The following ABCF1 variants were observed in gnomAD, a reference collection of about 807,000 sequenced individuals.
ABCF1 encodes the protein ATP binding cassette subfamily F member 1, also known as ATP-binding cassette sub-family F member 1.
ABCF1 carries 73 observed loss-of-function variants against 126.3 expected under a neutral mutation model. That is an observed-to-expected ratio of 0.58 (90% CI 0.48 to 0.70). The LOEUF is 0.70. Among genes scored for constraint, ABCF1 ranks in the 30% least tolerant of loss-of-function variants. The pLI is 0.00. For missense variants in ABCF1, 786 were observed against 1,057.5 expected (o/e 0.74, Z 3.56); for synonymous variants, 345 against 396.4 (o/e 0.87, Z 1.54).
In ABCF1 at chr6:30,591,375, A is replaced by C. The variant is rs1802447896; in HGVS notation, c.*674A>C. On this transcript the variant is annotated 3_prime_UTR_variant, in exon 25 of 25. Transcript: ENST00000326195. The stretch of plus-strand genomic sequence containing the variant: ...TTCTCAGTCTTGATTTGCTTTATTC[A>C]GTTTTCTAGCAGCTTTTAATAGTCC... 1 of 152,112 alleles carries C rather than the reference A, an allele frequency of 6.6e-6. No homozygotes were observed. 9.4% of individuals were successfully genotyped at this position (152,112 alleles called of 1,614,324 possible). A position where few individuals can be genotyped will look rare whatever the true frequency, so the allele number is the denominator to read the frequency against.
In ABCF1 at chr6:30,578,209, G is replaced by T; in HGVS notation, c.343+7G>T. ...AGTGATGAGGAGGATGAAGGTAAAT[G>T]ACCTGAGGGGGAATGGGTACCTGGA... On this transcript the variant is annotated splice_region_variant and intron_variant, in intron 4 of 24. Transcript: ENST00000326195. The T allele has an allele frequency of 6.2e-7, 1 of 1,613,814 alleles. No individual in the cohort carries two copies. The highest frequency in any genetic ancestry group is 1.1e-5 in the South Asian group (1 of 91,062).
At position 30,586,837 on chromosome 6, in the gene ABCF1, C is replaced by T; in HGVS notation, c.2031+126C>T. On this transcript the variant is annotated intron_variant, in intron 20 of 24. Transcript: ENST00000326195. The surrounding 1 kb of genome is among the most constrained non-coding windows in gnomAD (Gnocchi z 4.9). ...AATACAGAACTCATGATAGATGATTCATTTCCCTAAGAGGGGCAGTAGAGG... is the reference window on the plus strand; with the variant it reads ...AATACAGAACTCATGATAGATGATTTATTTCCCTAAGAGGGGCAGTAGAGG... 1 of 1,059,140 alleles carries T rather than the reference C, an allele frequency of 9.4e-7. No homozygotes were observed. 65.6% of individuals were successfully genotyped at this position (1,059,140 alleles called of 1,614,324 possible). A position where few individuals can be genotyped will look rare whatever the true frequency, so the allele number is the denominator to read the frequency against.
In ABCF1 at chr6:30,574,744, G is replaced by A. The variant is rs923944511; in HGVS notation, c.74-2665G>A. On this transcript the variant is annotated intron_variant, in intron 1 of 24. Coordinates refer to ENST00000326195, the MANE Select transcript of ABCF1 (RefSeq NM_001025091.2). The surrounding 1 kb of genome is among the most constrained non-coding windows in gnomAD (Gnocchi z 4.3). ...TTTGTGGTTTGTTTTTTGGGGAGGAGGAGGGCCCCAAACTTTGAAATGTGT... is the reference window on the plus strand; with the variant it reads ...TTTGTGGTTTGTTTTTTGGGGAGGAAGAGGGCCCCAAACTTTGAAATGTGT... 1.8e-4 allele frequency among the ~76,000 whole-genome samples: 27 copies of A among 152,020 alleles called. No homozygotes were observed. Among genetic ancestry groups the A allele is most frequent in the African/African-American group, 5.8e-4 (24 of 41,440 alleles).
Position 30,589,944 on chromosome 6 carries a change from G to A in ABCF1, c.2203G>A (p.Ala735Thr), listed in dbSNP as rs2127419330. 6.2e-7 allele frequency: 1 copy of A among 1,613,742 alleles called. No homozygotes were observed. Among genetic ancestry groups the A allele is most frequent in the Middle Eastern group, 1.7e-4 (1 of 5,886 alleles). The change falls in exon 22 of 25, where the codon GCC becomes ACC. Residue 735 changes from alanine (A) to threonine (T), a missense_variant. Ala to Thr is a moderately conservative substitution (Grantham distance 58). Around this residue, in one of 4 missense-constraint regions of ABCF1, gnomAD observed 288 missense variants for 423.5 expected, o/e 0.68. Transcript: ENST00000326195. ...GGGCCGCTTCGGCCTGGAGAGTCACGCCCACACCATCCAGATCTGCAAACT... is the reference window on the plus strand; with the variant it reads ...GGGCCGCTTCGGCCTGGAGAGTCACACCCACACCATCCAGATCTGCAAACT... ...CLGRFGLESH[A>T]HTIQICKLSG...
intron 1 of ABCF1, among the ~76,000 whole-genome samples, chr6:30,575,071 CTTTTTTT>C (rs958476559): frequency 7.7e-6 from 1 of 129,808 alleles, no homozygotes; most frequent in African/African-American, 2.9e-5. Flanking sequence ...GACTTTTTTT[CTTTTTTT>C]TTTTTTTTTT....
At chr6:30,576,276 CTTTTTTTTTTTTTTT>C (rs9256927) in intron 1 of ABCF1, among the ~76,000 whole-genome samples, 2 of 44,160 alleles carry the variant, frequency 4.5e-5, no homozygotes, top group Admixed American at 3.2e-4. Context: ...TCTGAGTGCT[CTTTTTTTTTTTTTTT>C]TTTTTTTTTT....
In ABCF1 at chr6:30,584,578, A is replaced by C. The variant is rs776354872; in HGVS notation, c.1391+12A>C. 4 of 1,581,192 alleles carry C rather than the reference A, an allele frequency of 2.5e-6. No individual in the cohort carries two copies. The African/African-American group carries it at 5.4e-5, about 21-fold the overall frequency. ...GTCTCCCTGGCCAGGTGGGCCATTC[A>C]CCTCACTGCCCTCCCTTCCAGCCTC... On this transcript the variant is annotated intron_variant, in intron 14 of 24. Transcript: ENST00000326195. The surrounding 1 kb of genome is among the most constrained non-coding windows in gnomAD (Gnocchi z 4.6).
intron 7 of ABCF1, 115 bp downstream of exon 7, chr6:30,580,120 G>A: frequency 9.9e-7 from 1 of 1,009,870 alleles, no homozygotes; most frequent in Non-Finnish European, 1.5e-6. Context: ...GCCGAGGTGG[G>A]CGGATCACGA....
chr6:30,572,722 A>G (rs934240924), intron 1 of ABCF1, among the ~76,000 whole-genome samples: 2 of 152,140 alleles, frequency 1.3e-5, no homozygotes, highest in African/African-American at 2.4e-5. Flanking sequence ...GCTGGTCTCA[A>G]ACTCCTGGGC....
Position 30,578,071 on chromosome 6 carries a change from A to C in ABCF1, c.217-5A>C. 1.2e-6 allele frequency: 2 copies of C among 1,614,010 alleles called. No homozygotes were observed. Among genetic ancestry groups the C allele is most frequent in the Non-Finnish European group, 1.7e-6 (2 of 1,179,998 alleles). On this transcript the variant is annotated splice_polypyrimidine_tract_variant and splice_region_variant and intron_variant, in intron 3 of 24. Transcript: ENST00000326195. ...ATTTTCTCACTGTTCTTTTGCTCTC[A>C]GCAGCAAAAAAAAAAGCGAGATACC...
rs1430210398 is a variant in ABCF1 at position 30,586,211 on chromosome 6, G to A, written c.1791G>A (p.Glu597=). The A allele has an allele frequency of 6.2e-7, 1 of 1,614,086 alleles. No homozygotes were observed. Among genetic ancestry groups the A allele is most frequent in the Admixed American group, 1.7e-5 (1 of 60,008 alleles). ...AAAACCAAGATGAGGAATCCCAGGA[G>A]GCCCCTGAGCTCCTGAAGCGCCCTA... ...RRKNQDEESQ[E]APELLKRPKE... Residue 597 remains glutamate (E), a synonymous_variant, in exon 18 of 25, where the codon GAG becomes GAA. Coordinates refer to ENST00000326195, the MANE Select transcript of ABCF1 (RefSeq NM_001025091.2). This position sits in a 1 kb window ranked among gnomAD's most constrained non-coding sequence, Gnocchi z 4.9.
chr6:30,573,680 TA>T (rs1801363006), intron 1 of ABCF1, among the ~76,000 whole-genome samples: 1 of 151,824 alleles, frequency 6.6e-6, no homozygotes, highest in African/African-American at 2.4e-5. Flanking sequence ...TAGAAGAGAA[TA>T]AAAAAGGTGT....
rs1802146321 is a variant in ABCF1, at chr6:30,586,565, G to T, written c.1960+17G>T. 1.2e-6 allele frequency: 2 copies of T among 1,613,316 alleles called. No homozygotes were observed. The highest frequency in any genetic ancestry group is 1.7e-6 in the Non-Finnish European group (2 of 1,180,002). On this transcript the variant is annotated intron_variant, in intron 19 of 24. Coordinates refer to ENST00000326195, the MANE Select transcript of ABCF1 (RefSeq NM_001025091.2). This position sits in a 1 kb window ranked among gnomAD's most constrained non-coding sequence, Gnocchi z 4.9. ...ATTCAAGGAGTGAGTTGGCGGGGTT[G>T]CCTCAGGGATGTGTAGCAGGAGCCA...
Position 30,578,618 on chromosome 6 carries a change from G to A in ABCF1, c.489+41G>A, listed in dbSNP as rs1264446. 11,546 of 1,538,694 alleles carry A rather than the reference G, an allele frequency of 7.5e-3. 63 individuals carry two copies. The highest frequency in any genetic ancestry group is 0.01 in the Admixed American group (584 of 57,978). On this transcript the variant is annotated intron_variant, in intron 6 of 24. Transcript: ENST00000326195. ...CGATCAGTCACTCTCACTCCATTTA[G>A]CACCTTCTGGCCATGGTGGAGTAAT...
At position 30,580,388 on chromosome 6, in the gene ABCF1, C is replaced by T. The variant is rs748025006; in HGVS notation, c.565-18C>T. 7.2e-7 allele frequency: 1 copy of T among 1,389,312 alleles called. No homozygotes were observed. Among genetic ancestry groups the T allele is most frequent in the South Asian group, 1.4e-5 (1 of 72,266 alleles). 86.1% of individuals were successfully genotyped at this position (1,389,312 alleles called of 1,614,324 possible). On this transcript the variant is annotated intron_variant, in intron 7 of 24. Coordinates refer to ENST00000326195, the MANE Select transcript of ABCF1 (RefSeq NM_001025091.2). ...AAAAAAAAAAAACATTTCATCAGACCTGTCTTTTCCCTATTAGCCTCAAAA... is the reference window on the plus strand; with the variant it reads ...AAAAAAAAAAAACATTTCATCAGACTTGTCTTTTCCCTATTAGCCTCAAAA...
chr6:30,585,808 A>G lies in ABCF1; in HGVS notation c.1601-71A>G. The G allele has an allele frequency of 2.6e-6, 4 of 1,555,866 alleles. No individual in the cohort carries two copies. The South Asian group carries it at 4.7e-5, about 18-fold the overall frequency. On this transcript the variant is annotated intron_variant, in intron 16 of 24. Coordinates refer to ENST00000326195, the MANE Select transcript of ABCF1 (RefSeq NM_001025091.2). ...AGACAGTGATGCCTACCCCATCACC[A>G]CCAGTCCCTGGTTGTCCCTTTGCTG... is the stretch of plus-strand genomic sequence containing the variant.
chr6:30,587,284 C>T (rs1802197537), intron 20 of ABCF1, among the ~76,000 whole-genome samples: 1 of 150,458 alleles, frequency 6.6e-6, no homozygotes, highest in Non-Finnish European at 1.5e-5. Context: ...GGCGTGGTGG[C>T]CCACGCCTAT....
intron 6 of ABCF1, among the ~76,000 whole-genome samples, chr6:30,579,614 C>T (rs1178459056): frequency 6.6e-6 from 1 of 151,978 alleles, no homozygotes; most frequent in African/African-American, 2.4e-5. Flanking sequence ...CGTGCCACCA[C>T]GCCCAGCTAA....
At chr6:30,590,093 T>A (rs576040816) in intron 22 of ABCF1, 56 bp from the exon 23 acceptor site, 2 of 1,611,492 alleles carry the variant, frequency 1.2e-6, no homozygotes, top group Non-Finnish European at 1.7e-6. Context: ...TCTTGAGGGT[T>A]TGCCTTCAGA....
Sources: gnomAD v4.1 joint callset for allele counts (sites outside exome capture counted in the v4.1 genomes callset) on GRCh38, gnomAD v4.1.1 for gene constraint, gnomAD v4.1.1 regional missense constraint, Gnocchi (gnomAD v3.1) non-coding constraint, MANE v1.5 for transcripts, NCBI Gene and HGNC (gene_info 2026-07-23, HGNC 2026-07-21) for gene names.